SBF2: variants seen among roughly 807,000 people sequenced by gnomAD.
SBF2 encodes myotubularin-related protein 13.
Under a neutral mutation model 225.2 loss-of-function variants are expected in SBF2, and 112 were observed. That is an observed-to-expected ratio of 0.50 (90% CI 0.43 to 0.58). The LOEUF is 0.58. SBF2 is among the 20% of genes least tolerant of loss of function. SBF2 has a pLI of 0.00. For missense variants in SBF2, 1,996 were observed against 2,206.2 expected (o/e 0.90, Z 1.91); for synonymous variants, 763 against 773.3 (o/e 0.99, Z 0.22).
At chr11:10,060,745 G>A (rs758535511) in intron 2 of SBF2, among the ~76,000 whole-genome samples, 1 of 151,926 alleles carries the variant, frequency 6.6e-6, no homozygotes, top group Non-Finnish European at 1.5e-5. Context: ...ATCTGTAAAC[G>A]TGGCCAGGTG....
intron 1 of SBF2, among the ~76,000 whole-genome samples, chr11:10,270,836 C>A (rs915388119): frequency 6.6e-6 from 1 of 151,292 alleles, no homozygotes; most frequent in Non-Finnish European, 1.5e-5. Flanking sequence ...TACTAAAAAA[C>A]GGAAAAAAGT....
At chr11:9,977,492 GAA>G (rs200092202) in intron 13 of SBF2, among the ~76,000 whole-genome samples, 1 of 120,918 alleles carries the variant, frequency 8.3e-6, no homozygotes, top group Non-Finnish European at 1.8e-5. Context: ...GTCTCTTTAA[GAA>G]AAAAAAAAAA....
intron 1 of SBF2, among the ~76,000 whole-genome samples, chr11:10,213,712 C>T (rs1045066711): frequency 2.0e-5 from 3 of 152,286 alleles, no homozygotes; most frequent in African/African-American, 7.2e-5. Flanking sequence ...GAAGTCATTA[C>T]AGCATCTTTA....
At chr11:9,997,749 G>T (rs543318966) in intron 9 of SBF2, among the ~76,000 whole-genome samples, 170 of 152,354 alleles carry the variant, frequency 1.1e-3, no homozygotes, top group African/African-American at 4.0e-3. Context: ...CTGCACTCCA[G>T]CCTGGGCGAC....
At chr11:10,267,042 C>T (rs1006981145) in intron 1 of SBF2, among the ~76,000 whole-genome samples, 5 of 152,052 alleles carry the variant, frequency 3.3e-5, no homozygotes, top group Non-Finnish European at 7.4e-5. Context: ...TGCAATGGGC[C>T]GAGATCGTGC....
At chr11:10,278,509 A>C (rs901977324) in intron 1 of SBF2, among the ~76,000 whole-genome samples, 1 of 152,212 alleles carries the variant, frequency 6.6e-6, no homozygotes, top group African/African-American at 2.4e-5. Flanking sequence ...GGCAGGGCGC[A>C]GAGGCTCATG....
intron 13 of SBF2, among the ~76,000 whole-genome samples, chr11:9,987,488 G>A (rs1300401959): frequency 1.3e-5 from 2 of 152,092 alleles, no homozygotes; most frequent in African/African-American, 4.8e-5. Flanking sequence ...GTCACTGTTT[G>A]CTGACGGTTA....
intron 27 of SBF2, among the ~76,000 whole-genome samples, chr11:9,831,965 A>C (rs1293026165): frequency 6.6e-6 from 1 of 152,204 alleles, no homozygotes; most frequent in Non-Finnish European, 1.5e-5. Flanking sequence ...ATTGCCTAGG[A>C]CCAAAGACTT....
chr11:10,221,982 T>A (rs1305560367), intron 1 of SBF2, among the ~76,000 whole-genome samples: 1 of 152,154 alleles, frequency 6.6e-6, no homozygotes, highest in Non-Finnish European at 1.5e-5. Context: ...CCCAGAAAGG[T>A]AGAGACACAA....
At chr11:10,127,972 C>T (rs1953839243) in intron 2 of SBF2, among the ~76,000 whole-genome samples, 1 of 152,118 alleles carries the variant, frequency 6.6e-6, no homozygotes. Flanking sequence ...AGTATCTATA[C>T]TTTATAACAT....
chr11:9,975,021 T>TTAG (rs1177103436), intron 13 of SBF2, among the ~76,000 whole-genome samples: 1 of 145,710 alleles, frequency 6.9e-6, no homozygotes, highest in Non-Finnish European at 1.5e-5. Context: ...ATACCAAGTG[T>TTAG]TAGTAAAGAT....
intron 3 of SBF2, among the ~76,000 whole-genome samples, chr11:10,040,220 G>A (rs1221882927): frequency 6.6e-6 from 1 of 151,926 alleles, no homozygotes; most frequent in East Asian, 1.9e-4. Context: ...ACTATGAAGT[G>A]GAGAAATCTG....
intron 16 of SBF2, among the ~76,000 whole-genome samples, chr11:9,945,822 T>C (rs1205910573): frequency 1.3e-5 from 2 of 151,924 alleles, no homozygotes; most frequent in African/African-American, 2.4e-5. Context: ...CCAACAAGTA[T>C]ATAAAAAATG....
intron 13 of SBF2, among the ~76,000 whole-genome samples, chr11:9,981,141 G>C (rs1191942343): frequency 6.6e-6 from 1 of 152,082 alleles, no homozygotes; most frequent in African/African-American, 2.4e-5. Flanking sequence ...TGTCCAAAAA[G>C]GTCCATCTAG....
At chr11:9,844,506 T>A (rs796340855) in intron 24 of SBF2, among the ~76,000 whole-genome samples, 11 of 152,302 alleles carry the variant, frequency 7.2e-5, no homozygotes, top group African/African-American at 2.6e-4. Context: ...ATAACTGAAG[T>A]TTAAAACTTT....
At chr11:9,932,494 A>G (rs1391100737) in intron 16 of SBF2, among the ~76,000 whole-genome samples, 1 of 152,186 alleles carries the variant, frequency 6.6e-6, no homozygotes, top group Non-Finnish European at 1.5e-5. Context: ...CTTAAAGAAA[A>G]TAATTTTCAA....
At chr11:10,076,972 G>GTCCA (rs1717375048) in intron 2 of SBF2, among the ~76,000 whole-genome samples, 1 of 152,096 alleles carries the variant, frequency 6.6e-6, no homozygotes, top group South Asian at 2.1e-4. Flanking sequence ...CCACAGCCTA[G>GTCCA]TCCATCACCT....
chr11:10,070,835 T>C (rs1406607985), intron 2 of SBF2, among the ~76,000 whole-genome samples: 1 of 152,214 alleles, frequency 6.6e-6, no homozygotes, highest in African/African-American at 2.4e-5. Flanking sequence ...TTTTATTTCG[T>C]TGAGCAGTGG....
At chr11:10,123,656 C>T (rs1003281897) in intron 2 of SBF2, among the ~76,000 whole-genome samples, 11 of 151,888 alleles carry the variant, frequency 7.2e-5, no homozygotes, top group African/African-American at 2.4e-4. Context: ...ATCTCTCTCC[C>T]CTAGTCTTGA....
Sources: gnomAD v4.1 joint callset for allele counts (sites outside exome capture counted in the v4.1 genomes callset) on GRCh38, gnomAD v4.1.1 for gene constraint, MANE v1.5 for transcripts, NCBI Gene and HGNC (gene_info 2026-07-23, HGNC 2026-07-21) for gene names.